SMOC2: variants seen among roughly 807,000 people sequenced by gnomAD.
SMOC2 encodes the protein SPARC related modular calcium binding 2, also known as SPARC-related modular calcium-binding protein 2.
Under a neutral mutation model 61.4 loss-of-function variants are expected in SMOC2, and 39 were observed. The observed-to-expected ratio is 0.64, with a 90% CI of 0.49 to 0.83. SMOC2 has a LOEUF of 0.83. Ranked by LOEUF, SMOC2 falls within the 40% of genes least tolerant of loss-of-function variation. The pLI is 0.00. For synonymous variants in SMOC2, 247 were observed against 239.9 expected (o/e 1.03, Z -0.27); for missense variants, 556 against 592.9 (o/e 0.94, Z 0.65).
intron 2 of SMOC2, among the ~76,000 whole-genome samples, chr6:168,518,782 T>C (rs1783225025): frequency 6.6e-6 from 1 of 151,606 alleles, no homozygotes. Flanking sequence ...TGTGCATGTG[T>C]GAAAGCATGT....
chr6:168,458,982 G>A (rs566182077), intron 1 of SMOC2, among the ~76,000 whole-genome samples: 20 of 152,304 alleles, frequency 1.3e-4, no homozygotes, highest in African/African-American at 4.1e-4. Context: ...TCAACAGTGT[G>A]GAAACGTGGT....
intron 8 of SMOC2, among the ~76,000 whole-genome samples, chr6:168,599,306 CA>C (rs1466172304): frequency 7.8e-5 from 11 of 141,812 alleles, no homozygotes; most frequent in Non-Finnish European, 1.7e-4. Context: ...ATACCACACA[CA>C]CACCCCCACA....
In SMOC2 at chr6:168,452,429, C is replaced by T. The variant is rs1329814387; in HGVS notation, c.84+10975C>T. Among the ~76,000 whole-genome samples the T allele has an allele frequency of 1.3e-5, 2 of 152,120 alleles. No individual in the cohort carries two copies. Among genetic ancestry groups the T allele is most frequent in the Admixed American group, 6.5e-5 (1 of 15,276 alleles). ...GACTGGCTAAATAGGGTGCTATTTT[C>T]TTTTTGCTGTGAGGTCAGTCCACTT... On this transcript the variant is annotated intron_variant, in intron 1 of 12. Transcript: ENST00000356284. This position sits in a 1 kb window ranked among gnomAD's most constrained non-coding sequence, Gnocchi z 5.0.
intron 7 of SMOC2, among the ~76,000 whole-genome samples, chr6:168,570,831 C>T (rs1423345497): frequency 6.6e-6 from 1 of 152,184 alleles, no homozygotes; most frequent in Non-Finnish European, 1.5e-5. Flanking sequence ...TCAGGTACAT[C>T]TCTAATCCTT....
intron 1 of SMOC2, among the ~76,000 whole-genome samples, chr6:168,492,020 T>G (rs897623741): frequency 6.6e-6 from 1 of 152,210 alleles, no homozygotes; most frequent in African/African-American, 2.4e-5. Context: ...ATTCTGAATT[T>G]CTTTGAACAT....
intron 1 of SMOC2, among the ~76,000 whole-genome samples, chr6:168,456,545 G>T (rs1157406270): frequency 6.6e-6 from 1 of 152,208 alleles, no homozygotes; most frequent in Non-Finnish European, 1.5e-5. Flanking sequence ...CCACTTGGTG[G>T]CCACAGTGAC....
At chr6:168,624,706 G>A (rs958453264) in intron 9 of SMOC2, among the ~76,000 whole-genome samples, 1 of 149,208 alleles carries the variant, frequency 6.7e-6, no homozygotes, top group Non-Finnish European at 1.5e-5. Flanking sequence ...AGATGTACAC[G>A]GACACACAGA....
At chr6:168,529,060 A>G (rs1270126530) in intron 4 of SMOC2, among the ~76,000 whole-genome samples, 1 of 152,196 alleles carries the variant, frequency 6.6e-6, no homozygotes, top group African/African-American at 2.4e-5. Flanking sequence ...GTCCCAAAGA[A>G]CTTTCTTAGA....
At chr6:168,489,086 G>C (rs1293730459) in intron 1 of SMOC2, among the ~76,000 whole-genome samples, 2 of 143,974 alleles carry the variant, frequency 1.4e-5, no homozygotes, top group African/African-American at 2.6e-5. Flanking sequence ...GGTCCCCTTG[G>C]ATCACACTGT....
At chr6:168,589,395 C>T (rs1785120953) in intron 7 of SMOC2, among the ~76,000 whole-genome samples, 1 of 152,272 alleles carries the variant, frequency 6.6e-6, no homozygotes, top group African/African-American at 2.4e-5. Context: ...ACAGCAATGA[C>T]ATCCATTCAA....
chr6:168,576,414 T>C (rs1784805694), intron 7 of SMOC2, among the ~76,000 whole-genome samples: 2 of 152,136 alleles, frequency 1.3e-5, no homozygotes, highest in Non-Finnish European at 2.9e-5. Context: ...GGGCAGCAGA[T>C]GGCTGACATC....
At chr6:168,581,487 G>C (rs1386185394) in intron 7 of SMOC2, among the ~76,000 whole-genome samples, 2 of 152,168 alleles carry the variant, frequency 1.3e-5, no homozygotes, top group Non-Finnish European at 2.9e-5. Flanking sequence ...CCCCGGACGG[G>C]TCTGACACTG....
intron 1 of SMOC2, among the ~76,000 whole-genome samples, chr6:168,461,367 T>C (rs1781715808): frequency 6.6e-6 from 1 of 152,182 alleles, no homozygotes; most frequent in African/African-American, 2.4e-5. Context: ...ATATTAAAAG[T>C]GTAAGAAAAA....
intron 9 of SMOC2, among the ~76,000 whole-genome samples, chr6:168,614,680 C>T (rs1786008604): frequency 1.0e-5 from 1 of 98,130 alleles, no homozygotes; most frequent in African/African-American, 4.1e-5. Context: ...CACCTACAGC[C>T]AGCACAGGGC....
chr6:168,569,644 A>G (rs1784621222), intron 7 of SMOC2, among the ~76,000 whole-genome samples: 1 of 152,102 alleles, frequency 6.6e-6, no homozygotes, highest in South Asian at 2.1e-4. Flanking sequence ...GGGTTTGGCC[A>G]TGTTGCCCAG....
chr6:168,660,767 C>T (rs902468736), intron 11 of SMOC2, among the ~76,000 whole-genome samples: 22 of 152,332 alleles, frequency 1.4e-4, no homozygotes, highest in African/African-American at 3.6e-4. Flanking sequence ...AGGCCCGAGC[C>T]GCAGTGTGGG....
chr6:168,494,709 T>A (rs1044509096), intron 1 of SMOC2, among the ~76,000 whole-genome samples: 2 of 152,168 alleles, frequency 1.3e-5, no homozygotes, highest in African/African-American at 4.8e-5. Flanking sequence ...ATACTGGGGT[T>A]TTGCGATTCT....
At chr6:168,621,599 TG>T in intron 9 of SMOC2, among the ~76,000 whole-genome samples, 1 of 152,322 alleles carries the variant, frequency 6.6e-6, no homozygotes, top group Admixed American at 6.5e-5. Context: ...TCCACATGGC[TG>T]GGGAGGCCTC....
intron 8 of SMOC2, 76 bp downstream of exon 8, chr6:168,599,080 A>C (rs1006468585): frequency 5.2e-5 from 68 of 1,315,180 alleles, no homozygotes; most frequent in Non-Finnish European, 6.8e-5. Flanking sequence ...CAGAACCCCC[A>C]CTTCCCCCAA....
Sources: gnomAD v4.1 joint callset for allele counts (sites outside exome capture counted in the v4.1 genomes callset) on GRCh38, gnomAD v4.1.1 for gene constraint, Gnocchi (gnomAD v3.1) non-coding constraint, MANE v1.5 for transcripts, NCBI Gene and HGNC (gene_info 2026-07-23, HGNC 2026-07-21) for gene names.